SHANK2: variants seen among roughly 807,000 people sequenced by gnomAD.
SHANK2 encodes the protein SH3 and multiple ankyrin repeat domains 2.
A neutral mutation model predicts 133.7 loss-of-function variants in SHANK2; 43 were observed. The ratio of observed to expected loss-of-function variants is 0.32; its 90% CI spans 0.25 to 0.41. SHANK2 has a LOEUF of 0.41. Ranked by LOEUF, SHANK2 falls within the 10% of genes least tolerant of loss-of-function variation. The pLI, the probability that SHANK2 is intolerant of heterozygous loss-of-function variation, is 1.00. For synonymous variants in SHANK2, 1,017 were observed against 952.8 expected (o/e 1.07, Z -1.24); for missense variants, 1,994 against 2,235.8 (o/e 0.89, Z 2.18).
At chr11:70,606,055 T>C (rs1554992317) in intron 17 of SHANK2, among the ~76,000 whole-genome samples, 2 of 152,032 alleles carry the variant, frequency 1.3e-5, no homozygotes, top group Non-Finnish European at 2.9e-5. Flanking sequence ...CGACAGCAGA[T>C]CGGGGCTGCT....
intron 15 of SHANK2, among the ~76,000 whole-genome samples, chr11:70,688,173 C>T (rs968196285): frequency 2.0e-5 from 3 of 152,214 alleles, no homozygotes; most frequent in Admixed American, 1.3e-4. Flanking sequence ...GTGCGCCCAG[C>T]CCCAATGCAG....
intron 17 of SHANK2, among the ~76,000 whole-genome samples, chr11:70,527,508 C>T (rs909557402): frequency 1.3e-5 from 2 of 152,188 alleles, no homozygotes; most frequent in African/African-American, 4.8e-5. Context: ...GTTTAAAATA[C>T]TCATTTGCTC....
At chr11:70,489,920 C>T (rs1398067818) in intron 23 of SHANK2, 2 of 340,704 alleles carry the variant, frequency 5.9e-6, no homozygotes, top group African/African-American at 4.2e-5. Context: ...ACCCACTTAC[C>T]CTTCCCACCC....
chr11:71,157,254 T>A (rs1555109234), intron 2 of SHANK2, among the ~76,000 whole-genome samples: 1 of 152,064 alleles, frequency 6.6e-6, no homozygotes, highest in Non-Finnish European at 1.5e-5. Flanking sequence ...AAAACCAATA[T>A]CCCCAAATCA....
intron 2 of SHANK2, among the ~76,000 whole-genome samples, chr11:71,182,343 T>C (rs1953576092): frequency 6.6e-6 from 1 of 152,176 alleles, no homozygotes; most frequent in Non-Finnish European, 1.5e-5. Flanking sequence ...ATGGATTTGT[T>C]TCTTGGGACT....
chr11:70,523,691 T>A (rs2059359483), intron 17 of SHANK2, among the ~76,000 whole-genome samples: 1 of 152,200 alleles, frequency 6.6e-6, no homozygotes, highest in Non-Finnish European at 1.5e-5. Flanking sequence ...GCTTCCTGTG[T>A]CAGGAGGCGC....
chr11:70,735,370 C>A (rs782732056), intron 14 of SHANK2, among the ~76,000 whole-genome samples: 1 of 152,110 alleles, frequency 6.6e-6, no homozygotes, highest in Non-Finnish European at 1.5e-5. Context: ...CCTGTGGAGG[C>A]TTCCTGGGGT....
At chr11:70,926,827 A>C (rs1950433594) in intron 10 of SHANK2, among the ~76,000 whole-genome samples, 1 of 152,188 alleles carries the variant, frequency 6.6e-6, no homozygotes. Context: ...TTACAAATAA[A>C]TTTTAGTGAG....
chr11:70,868,794 C>T (rs900248987), intron 11 of SHANK2, among the ~76,000 whole-genome samples: 19 of 152,224 alleles, frequency 1.2e-4, no homozygotes, highest in Non-Finnish European at 1.8e-4. Context: ...GCCTCCTCAT[C>T]CTCACCCATT....
At chr11:71,099,039 T>A (rs2135152518) in intron 6 of SHANK2, among the ~76,000 whole-genome samples, 1 of 152,086 alleles carries the variant, frequency 6.6e-6, no homozygotes, top group African/African-American at 2.4e-5. Flanking sequence ...GGCTCTGTGC[T>A]CTTCCTCCTC....
chr11:70,859,150 C>T (rs1457938747), intron 11 of SHANK2, among the ~76,000 whole-genome samples: 2 of 151,894 alleles, frequency 1.3e-5, no homozygotes, highest in Admixed American at 1.3e-4. Flanking sequence ...ATTGGATGGA[C>T]AGAATGAATG....
At chr11:70,680,819 G>T (rs1256977302) in intron 15 of SHANK2, among the ~76,000 whole-genome samples, 1 of 152,160 alleles carries the variant, frequency 6.6e-6, no homozygotes, top group Non-Finnish European at 1.5e-5. Flanking sequence ...CAGATTGTGG[G>T]CTGACTCATC....
chr11:71,117,151 C>T (rs1366398719), intron 4 of SHANK2, among the ~76,000 whole-genome samples: 1 of 152,188 alleles, frequency 6.6e-6, no homozygotes, highest in African/African-American at 2.4e-5. Context: ...CCCCGAGTAG[C>T]TGGGATTACA....
intron 17 of SHANK2, among the ~76,000 whole-genome samples, chr11:70,558,278 T>C (rs534569268): frequency 6.6e-6 from 1 of 152,296 alleles, no homozygotes; most frequent in East Asian, 1.9e-4. Context: ...CTTGATGTCA[T>C]GTGGGGGACA....
intron 12 of SHANK2, among the ~76,000 whole-genome samples, chr11:70,817,078 A>T (rs1411834514): frequency 6.6e-6 from 1 of 152,214 alleles, no homozygotes; most frequent in Non-Finnish European, 1.5e-5. Context: ...AGAACACAAC[A>T]GTGGCACCTG....
intron 15 of SHANK2, among the ~76,000 whole-genome samples, chr11:70,665,371 C>A (rs538856575): frequency 7.1e-6 from 1 of 140,292 alleles, no homozygotes; most frequent in African/African-American, 2.7e-5. Flanking sequence ...AAACTCCTGG[C>A]CTCAAGGGAT....
chr11:70,747,712 T>C (rs782668067), intron 14 of SHANK2, among the ~76,000 whole-genome samples: 13 of 152,226 alleles, frequency 8.5e-5, no homozygotes, highest in Non-Finnish European at 1.6e-4. Flanking sequence ...TGTGTGTGCA[T>C]GCTTGCTGCA....
intron 3 of SHANK2, among the ~76,000 whole-genome samples, chr11:71,119,606 C>T (rs1396572161): frequency 1.3e-5 from 2 of 150,530 alleles, no homozygotes; most frequent in Admixed American, 6.6e-5. Flanking sequence ...TTCTCTAGCC[C>T]TCATAGTGTC....
At chr11:71,220,932 G>A (rs141741786) in intron 2 of SHANK2, among the ~76,000 whole-genome samples, 2,588 of 152,274 alleles carry the variant, frequency 0.017, 43 homozygotes, top group Non-Finnish European at 0.028. Flanking sequence ...CAGGCACGGT[G>A]GCTCACGCCT....
Sources: allele counts gnomAD v4.1 joint callset (sites outside exome capture counted in the v4.1 genomes callset), GRCh38; gene constraint gnomAD v4.1.1; transcripts MANE v1.5; gene names NCBI Gene and HGNC (gene_info 2026-07-23, HGNC 2026-07-21).